The following FGF12 variants were observed in gnomAD, a reference collection of about 807,000 sequenced individuals.
FGF12 encodes fibroblast growth factor 12, also known as fibroblast growth factor 12B.
FGF12 carries 14 observed loss-of-function variants against 23.6 expected under a neutral mutation model. The observed-to-expected ratio is 0.59, with a 90% CI of 0.39 to 0.93. FGF12 has a LOEUF of 0.93. Ranked by LOEUF, FGF12 falls within the 40% of genes least tolerant of loss-of-function variation. The pLI, the probability that FGF12 is intolerant of heterozygous loss-of-function variation, is 0.00. For synonymous variants in FGF12, 62 were observed against 77.3 expected (o/e 0.80, Z 1.04); for missense variants, 175 against 217.8 (o/e 0.80, Z 1.24).
chr3:192,423,768 A>T (rs1236583225), intron 2 of FGF12, among the ~76,000 whole-genome samples: 1 of 152,158 alleles, frequency 6.6e-6, no homozygotes, highest in Admixed American at 6.6e-5. Flanking sequence ...TTTTTCTATT[A>T]AAGACTATAT....
intron 2 of FGF12, among the ~76,000 whole-genome samples, chr3:192,492,692 T>C (rs1175085676): frequency 6.6e-6 from 1 of 152,160 alleles, no homozygotes; most frequent in Non-Finnish European, 1.5e-5. Context: ...TTTAGATACG[T>C]TGATTAAAAG....
At chr3:192,521,512 T>C (rs925565031) in intron 2 of FGF12, 1 of 152,206 alleles carries the variant, frequency 6.6e-6, no homozygotes, top group Non-Finnish European at 1.5e-5. Flanking sequence ...TAAATACTTA[T>C]GAATGTCAAG....
chr3:192,647,438 C>A (rs7613438), intron 2 of FGF12, among the ~76,000 whole-genome samples: 1 of 151,740 alleles, frequency 6.6e-6, no homozygotes, highest in Admixed American at 6.6e-5. Flanking sequence ...CTGAAGACTG[C>A]CAAGGTAAGA....
intron 4 of FGF12, among the ~76,000 whole-genome samples, chr3:192,193,141 T>G (rs531589864): frequency 2.6e-5 from 4 of 152,198 alleles, no homozygotes; most frequent in Non-Finnish European, 4.4e-5. Flanking sequence ...ATGCCATGTG[T>G]ATTCTTAAAT....
intron 4 of FGF12, among the ~76,000 whole-genome samples, chr3:192,276,868 C>T (rs188647889): frequency 1.6e-3 from 242 of 152,310 alleles, no homozygotes; most frequent in Non-Finnish European, 2.5e-3. Context: ...AATACGTACT[C>T]AGAAAGGCCA....
chr3:192,201,597 C>T (rs1055855233), intron 4 of FGF12, among the ~76,000 whole-genome samples: 9 of 152,128 alleles, frequency 5.9e-5, no homozygotes, highest in African/African-American at 1.2e-4. Context: ...GAATAGGAAC[C>T]CAGTCTTATA....
intron 2 of FGF12, among the ~76,000 whole-genome samples, chr3:192,697,191 G>A (rs573190148): frequency 6.6e-6 from 1 of 152,076 alleles, no homozygotes; most frequent in Non-Finnish European, 1.5e-5. Flanking sequence ...ATTCCCCAAA[G>A]GTTACTAGAG....
At chr3:192,239,362 G>C (rs1719476550) in intron 4 of FGF12, among the ~76,000 whole-genome samples, 1 of 152,166 alleles carries the variant, frequency 6.6e-6, no homozygotes, top group Non-Finnish European at 1.5e-5. Flanking sequence ...ACAAATCCCT[G>C]ATCTCTTACA....
intron 2 of FGF12, among the ~76,000 whole-genome samples, chr3:192,594,802 T>C (rs1021840610): frequency 3.3e-5 from 5 of 151,834 alleles, no homozygotes; most frequent in African/African-American, 9.7e-5. Flanking sequence ...GACTTCCCAG[T>C]CTCCAGAACT....
At chr3:192,557,349 G>A (rs1233858270) in intron 2 of FGF12, among the ~76,000 whole-genome samples, 1 of 151,020 alleles carries the variant, frequency 6.6e-6, no homozygotes, top group Non-Finnish European at 1.5e-5. Context: ...CATGAAAGAG[G>A]TGACATTACA....
intron 2 of FGF12, among the ~76,000 whole-genome samples, chr3:192,700,662 C>T (rs531377036): frequency 2.6e-4 from 40 of 152,192 alleles, no homozygotes; most frequent in Admixed American, 1.1e-3. Flanking sequence ...CTAAGGCCTC[C>T]AACAACTTAT....
intron 2 of FGF12, among the ~76,000 whole-genome samples, chr3:192,483,908 T>C (rs1370290185): frequency 1.3e-5 from 2 of 152,192 alleles, no homozygotes; most frequent in Admixed American, 6.5e-5. Flanking sequence ...CGTATTGCTG[T>C]ACATATGAAG....
At chr3:192,465,889 G>A (rs1203315024) in intron 2 of FGF12, among the ~76,000 whole-genome samples, 1 of 152,142 alleles carries the variant, frequency 6.6e-6, no homozygotes, top group Non-Finnish European at 1.5e-5. Context: ...TACAGTCTCT[G>A]AGTATCTTTT....
chr3:192,512,859 T>TATATATATATATATATATATATATATA (rs376386122), intron 2 of FGF12, among the ~76,000 whole-genome samples: 41 of 57,390 alleles, frequency 7.1e-4, no homozygotes, highest in Non-Finnish European at 9.6e-4. Context: ...TATATATATA[T>TATATATATATATATATATATATATATA]AACAGGCTAT....
chr3:192,526,170 C>A (rs1346495408), intron 2 of FGF12, among the ~76,000 whole-genome samples: 1 of 152,120 alleles, frequency 6.6e-6, no homozygotes, highest in Non-Finnish European at 1.5e-5. Flanking sequence ...GAGTTCACAC[C>A]AACCCTTCAA....
intron 2 of FGF12, among the ~76,000 whole-genome samples, chr3:192,458,552 T>C (rs911317183): frequency 6.6e-6 from 1 of 152,208 alleles, no homozygotes; most frequent in Non-Finnish European, 1.5e-5. Context: ...ACCCCTTTGT[T>C]TTAGCCAATT....
At chr3:192,440,034 G>GA (rs1722158602) in intron 2 of FGF12, among the ~76,000 whole-genome samples, 2 of 151,434 alleles carry the variant, frequency 1.3e-5, no homozygotes, top group African/African-American at 4.9e-5. Context: ...CTTTATGGAA[G>GA]AAGTAAATGT....
At chr3:192,218,860 C>T (rs1718330628) in intron 4 of FGF12, among the ~76,000 whole-genome samples, 1 of 152,140 alleles carries the variant, frequency 6.6e-6, no homozygotes. Context: ...ATTTGCTCCA[C>T]ATTTAAAAAG....
At chr3:192,472,533 T>TCC (rs1723203948) in intron 2 of FGF12, among the ~76,000 whole-genome samples, 1 of 151,944 alleles carries the variant, frequency 6.6e-6, no homozygotes, top group Non-Finnish European at 1.5e-5. Context: ...TCTGCTAGAG[T>TCC]CCAAAGGTTC....
Sources: allele counts gnomAD v4.1 joint callset (sites outside exome capture counted in the v4.1 genomes callset), GRCh38; gene constraint gnomAD v4.1.1; transcripts MANE v1.5; gene names NCBI Gene and HGNC (gene_info 2026-07-23, HGNC 2026-07-21).